The following GLRX2 variants were observed in gnomAD, a reference collection of about 807,000 sequenced individuals.
GLRX2 encodes the protein glutaredoxin 2, also known as bA101E13.1 (GRX2 glutaredoxin (thioltransferase) 2).
GLRX2 carries 12 observed loss-of-function variants against 16.4 expected under a neutral mutation model. The observed-to-expected ratio is 0.73, with a 90% CI of 0.47 to 1.19. GLRX2 has a LOEUF of 1.19. Ranked by LOEUF, GLRX2 falls within the 50% of genes most tolerant of loss-of-function variation. The pLI is 0.00. For synonymous variants in GLRX2, 95 were observed against 76.2 expected (o/e 1.25, Z -1.28); for missense variants, 201 against 201.8 (o/e 1.00, Z 0.02).
chr1:193,098,344 C>T (rs1447052674), intron 2 of GLRX2, among the ~76,000 whole-genome samples: 1 of 151,986 alleles, frequency 6.6e-6, no homozygotes, highest in Non-Finnish European at 1.5e-5. Flanking sequence ...AGTTCGAGAC[C>T]AGCCTGGCCA....
chr1:193,103,504 T>C (rs1218051862), intron 1 of GLRX2, among the ~76,000 whole-genome samples: 1 of 152,222 alleles, frequency 6.6e-6, no homozygotes, highest in Non-Finnish European at 1.5e-5. Flanking sequence ...TCTCTTACTC[T>C]GCCTAATTTA....
rs535496880 is a variant in GLRX2, at chr1:193,097,185, C to T, written c.360+399G>A. Reference sequence around the variant, plus strand: ...AACACTGTACATTTTTCTGATTATGCATATTATGGAAAAATCCAAATTTCA... The same window carrying T: ...AACACTGTACATTTTTCTGATTATGTATATTATGGAAAAATCCAAATTTCA... On this transcript the variant is annotated intron_variant, in intron 3 of 3. Transcript: ENST00000367439. 1.1e-3 allele frequency among the ~76,000 whole-genome samples: 164 copies of T among 152,346 alleles called. 1 individual carries two copies. The highest frequency in any genetic ancestry group is 3.9e-3 in the African/African-American group (161 of 41,570).
At chr1:193,100,368 G>A (rs1675049640) in intron 2 of GLRX2, among the ~76,000 whole-genome samples, 1 of 152,140 alleles carries the variant, frequency 6.6e-6, no homozygotes, top group Non-Finnish European at 1.5e-5. Flanking sequence ...CAGCTACTAG[G>A]GAGGCTGAGG....
rs542287957 is a variant in GLRX2 at position 193,097,851 on chromosome 1, C to G, written c.184-91G>C. 8 of 857,612 alleles carry G rather than the reference C, an allele frequency of 9.3e-6. No individual in the cohort carries two copies. The East Asian group carries it at 1.8e-4, about 19-fold the overall frequency. The allele number at this position is 857,612 out of a possible 1,614,324, so 53.1% of individuals were successfully genotyped here. On this transcript the variant is annotated intron_variant, in intron 2 of 3. Transcript: ENST00000367439. Reference sequence around the variant, plus strand: ...TAATGGAAAGGGTATGGATTTTGGTCTCTCATGATTCTGGGCTCAAACTAA... The same window carrying G: ...TAATGGAAAGGGTATGGATTTTGGTGTCTCATGATTCTGGGCTCAAACTAA...
chr1:193,100,967 G>A (rs1675062651), intron 2 of GLRX2, among the ~76,000 whole-genome samples, 174 bp downstream of exon 2: 1 of 152,128 alleles, frequency 6.6e-6, no homozygotes, highest in Non-Finnish European at 1.5e-5. Context: ...AAATGATCTA[G>A]GACTTCTTAG....
chr1:193,105,951 A>C (rs112077355), upstream of GLRX2: 23 of 1,025,946 alleles, frequency 2.2e-5, no homozygotes, highest in African/African-American at 3.4e-4. Flanking sequence ...TTGAAGGTTT[A>C]CTCCAAAGAA....
Position 193,097,617 on chromosome 1 carries a change from T to C in GLRX2, c.327A>G (p.Gln109=). 1.2e-6 allele frequency: 2 copies of C among 1,609,932 alleles called. No homozygotes were observed. The highest frequency in any genetic ancestry group is 1.7e-6 in the Non-Finnish European group (2 of 1,178,736). Residue 109 remains glutamine (Q), a synonymous_variant, in exon 3 of 4, where the codon CAA becomes CAG. Transcript: ENST00000367439. ...CACCAGTCATTTTGTAAAGAGCATC[T>C]TGGAACTGGTTTCCATATTCAAGCA... ...LDLLEYGNQF[Q]DALYKMTGER...
At chr1:193,098,785 A>T (rs1455365180) in intron 2 of GLRX2, among the ~76,000 whole-genome samples, 2 of 152,072 alleles carry the variant, frequency 1.3e-5, no homozygotes, top group African/African-American at 4.8e-5. Context: ...TCCTGACCTC[A>T]GGTGATCCAC....
At position 193,105,255 on chromosome 1, in the gene GLRX2, AC is replaced by A. The variant is rs1397888181; in HGVS notation, c.119+8del. The A allele has an allele frequency of 2.6e-6, 4 of 1,532,736 alleles. No individual in the cohort carries two copies. The highest frequency in any genetic ancestry group is 3.5e-6 in the Non-Finnish European group (4 of 1,149,084). The allele number at this position is 1,532,736 out of a possible 1,614,324, so 94.9% of individuals were successfully genotyped here. On this transcript the variant is annotated splice_region_variant and intron_variant, in intron 1 of 3. Coordinates refer to ENST00000367439, the MANE Select transcript of GLRX2 (RefSeq NM_197962.3). Reference sequence around the variant, plus strand: ...CACGCCGCGGCACTCCTGCCCGCTGACCCCGTACCCAGAGGCCGCAGCTGCC... The same window carrying A: ...CACGCCGCGGCACTCCTGCCCGCTGACCCGTACCCAGAGGCCGCAGCTGCC...
At chr1:193,105,497 C>T (rs1312202576), upstream of GLRX2, 5 of 1,511,638 alleles carry the variant, frequency 3.3e-6, no homozygotes, top group Non-Finnish European at 4.4e-6. Context: ...CTCCGGACTG[C>T]CCGCGCCGCC....
chr1:193,099,991 AAG>A (rs1478576110), intron 2 of GLRX2, among the ~76,000 whole-genome samples: 1 of 152,182 alleles, frequency 6.6e-6, no homozygotes, highest in Non-Finnish European at 1.5e-5. Context: ...CTCAGGTTAC[AAG>A]ACACACTAAC....
At chr1:193,105,940 G>A (rs1675192087), upstream of GLRX2, 1 of 1,031,444 alleles carries the variant, frequency 9.7e-7, no homozygotes, top group South Asian at 4.6e-5. Context: ...AAAATCCGGT[G>A]TTGAAGGTTT....
rs759127919 is a variant in GLRX2, at chr1:193,101,111, A to G, written c.183+30T>C. 2.0e-6 allele frequency: 3 copies of G among 1,467,482 alleles called. No individual in the cohort carries two copies. In the South Asian group the frequency reaches 3.4e-5, roughly 17 times the overall value. The allele number at this position is 1,467,482 out of a possible 1,614,324, so 90.9% of individuals were successfully genotyped here. On this transcript the variant is annotated intron_variant, in intron 2 of 3. Coordinates refer to ENST00000367439, the MANE Select transcript of GLRX2 (RefSeq NM_197962.3). ...GGACAATTCTTTTTCTACAGAGGAA[A>G]GTTTTTCAATCATCTCCCACATCAC...
At chr1:193,100,240 C>T (rs1292110399) in intron 2 of GLRX2, among the ~76,000 whole-genome samples, 1 of 152,078 alleles carries the variant, frequency 6.6e-6, no homozygotes, top group African/African-American at 2.4e-5. Context: ...TTTGGGAGGC[C>T]GAGGCAGGTA....
intron 2 of GLRX2, 152 bp from the exon 3 acceptor site, chr1:193,097,912 TA>T: frequency 1.9e-6 from 1 of 520,704 alleles, no homozygotes. Context: ...AGATTGAGGA[TA>T]TTTTTCATTT....
upstream of GLRX2, chr1:193,105,452 GC>G: frequency 6.9e-7 from 1 of 1,449,092 alleles, no homozygotes; most frequent in South Asian, 1.4e-5. Flanking sequence ...GCCTCCTCCG[GC>G]CCGGCCCCCG....
chr1:193,103,224 G>A (rs1009312993), intron 1 of GLRX2, among the ~76,000 whole-genome samples: 1 of 152,276 alleles, frequency 6.6e-6, no homozygotes, highest in Middle Eastern at 3.4e-3. Context: ...GGTAAGAACG[G>A]ATCTTCTATC....
chr1:193,103,573 T>C (rs890181751), intron 1 of GLRX2, among the ~76,000 whole-genome samples: 1 of 152,150 alleles, frequency 6.6e-6, no homozygotes, highest in Non-Finnish European at 1.5e-5. Context: ...TAGGGTTCAG[T>C]ACTATCCGAG....
intron 1 of GLRX2, 75 bp downstream of exon 1, chr1:193,105,189 C>T (rs1675162426): frequency 6.8e-7 from 1 of 1,462,060 alleles, no homozygotes; most frequent in South Asian, 1.4e-5. Flanking sequence ...AGGGGCACCT[C>T]CGCCCACCGC....
Sources: allele counts gnomAD v4.1 joint callset (sites outside exome capture counted in the v4.1 genomes callset), GRCh38; gene constraint gnomAD v4.1.1; transcripts MANE v1.5; gene names NCBI Gene and HGNC (gene_info 2026-07-23, HGNC 2026-07-21).